The following FMN2 variants were observed in gnomAD, a reference collection of about 807,000 sequenced individuals.
FMN2 encodes the protein formin 2, also known as formin-2.
In FMN2, 51 loss-of-function variants were observed where a neutral mutation model predicts 142.3. The observed-to-expected ratio is 0.36, with a 90% CI of 0.29 to 0.45. FMN2 has a LOEUF of 0.45. FMN2 is among the 20% of genes least tolerant of loss of function. The pLI, the probability that FMN2 is intolerant of heterozygous loss-of-function variation, is 1.00. For synonymous variants in FMN2, 882 were observed against 869.8 expected, an observed-to-expected ratio of 1.01 and a Z score of -0.25; for missense variants, 1,936 against 2,122.8, an observed-to-expected ratio of 0.91 and a Z score of 1.73.
At chr1:240,441,263 G>A (rs1675607941) in intron 16 of FMN2, among the ~76,000 whole-genome samples, 1 of 152,128 alleles carries the variant, frequency 6.6e-6, no homozygotes, top group Non-Finnish European at 1.5e-5. Context: ...AATGTGCTGG[G>A]ATTACAGGCG....
intron 8 of FMN2, among the ~76,000 whole-genome samples, chr1:240,315,188 A>G (rs1670736714): frequency 6.6e-6 from 1 of 152,166 alleles, no homozygotes; most frequent in African/African-American, 2.4e-5. Context: ...TATATATAAG[A>G]CTTTCAGGTT....
chr1:240,333,578 C>T (rs1186335537), intron 11 of FMN2, among the ~76,000 whole-genome samples: 1 of 151,818 alleles, frequency 6.6e-6, no homozygotes, highest in Non-Finnish European at 1.5e-5. Flanking sequence ...ACAATAAAAA[C>T]ACAAAATAAT....
chr1:240,209,965 C>T (rs1666625569), intron 5 of FMN2, among the ~76,000 whole-genome samples: 1 of 152,076 alleles, frequency 6.6e-6, no homozygotes, highest in East Asian at 1.9e-4. Flanking sequence ...TTTACAGTCC[C>T]ATCTTGTGGG....
At chr1:240,178,538 C>A (rs1439869171) in intron 3 of FMN2, among the ~76,000 whole-genome samples, 1 of 151,232 alleles carries the variant, frequency 6.6e-6, no homozygotes, top group Non-Finnish European at 1.5e-5. Context: ...ACTTCCCTGG[C>A]TCAAGCGATT....
rs760627507 is a variant in FMN2 at position 240,334,166 on chromosome 1, G to T, written c.4702G>T (p.Ala1568Ser). Residue 1568 changes from alanine (A) to serine (S), a missense_variant, in exon 13 of 18, where the codon GCC (alanine) becomes TCC (serine). Around this residue, in one of 8 missense-constraint regions of FMN2, gnomAD observed 322 missense variants for 401.6 expected, o/e 0.80. Transcript: ENST00000319653. ...GCCAGAACCCCAGGACCTTTTTCAG[G>T]CCTCACAGATGAAGTTTGAAGATTT... ...PLPEPQDLFQASQMKFEDFQK... is the reference protein window; with the variant it reads ...PLPEPQDLFQSSQMKFEDFQK... The T allele has an allele frequency of 1.9e-6, 3 of 1,608,906 alleles. No individual in the cohort carries two copies. Among genetic ancestry groups the T allele is most frequent in the African/African-American group, 1.3e-5 (1 of 74,712 alleles).
chr1:240,465,965 T>G (rs2103238125), intron 16 of FMN2, among the ~76,000 whole-genome samples: 1 of 152,244 alleles, frequency 6.6e-6, no homozygotes, highest in South Asian at 2.1e-4. Context: ...TGCCTGACAA[T>G]AAATGGGTCT....
intron 4 of FMN2, among the ~76,000 whole-genome samples, chr1:240,191,312 C>T (rs1252156675): frequency 6.6e-6 from 1 of 152,236 alleles, no homozygotes; most frequent in Admixed American, 6.5e-5. Context: ...TAAAGCCTTT[C>T]CTCAACTCAC....
At chr1:240,289,515 A>T (rs1470315273) in intron 7 of FMN2, among the ~76,000 whole-genome samples, 3 of 152,076 alleles carry the variant, frequency 2.0e-5, no homozygotes, top group African/African-American at 4.8e-5. Flanking sequence ...CAAAAAAATT[A>T]AAAAAATAGA....
At chr1:240,170,768 T>C in intron 2 of FMN2, 1 of 1,254,572 alleles carries the variant, frequency 8.0e-7, no homozygotes, top group Non-Finnish European at 1.2e-6. Context: ...GTCTTTGGCC[T>C]GGGAGGAGTT....
intron 16 of FMN2, among the ~76,000 whole-genome samples, chr1:240,459,717 T>TTAAAAAAAAAAAAAAAAAAAAA (rs1471697427): frequency 1.5e-5 from 1 of 67,130 alleles, no homozygotes; most frequent in African/African-American, 5.1e-5. Flanking sequence ...ACTCTGTCTC[T>TTAAAAAAAAAAAAAAAAAAAAA]AAAAAAAAAA....
intron 2 of FMN2, among the ~76,000 whole-genome samples, chr1:240,134,500 C>T (rs945267725): frequency 3.3e-5 from 5 of 151,916 alleles, no homozygotes; most frequent in Admixed American, 1.3e-4. Context: ...TGGTGCACAC[C>T]TGTAGTCCCA....
chr1:240,239,580 G>A (rs12089289), intron 6 of FMN2, among the ~76,000 whole-genome samples: 1,954 of 152,298 alleles, frequency 0.013, 40 homozygotes, highest in African/African-American at 0.045. Context: ...AAGGAAGCTG[G>A]ACATGTCTTC....
At chr1:240,179,925 G>C (rs1665081942) in intron 3 of FMN2, among the ~76,000 whole-genome samples, 1 of 152,052 alleles carries the variant, frequency 6.6e-6, no homozygotes, top group African/African-American at 2.4e-5. Context: ...AAATTTTAGG[G>C]AACTTTATAA....
At chr1:240,431,405 T>TATATATAC (rs1558487478) in intron 15 of FMN2, among the ~76,000 whole-genome samples, 1 of 18,636 alleles carries the variant, frequency 5.4e-5, no homozygotes, top group African/African-American at 9.1e-5. Context: ...CCATGTTTTA[T>TATATATAC]ATATATATAT....
intron 1 of FMN2, among the ~76,000 whole-genome samples, chr1:240,102,053 C>T (rs777760433): frequency 1.4e-4 from 21 of 152,188 alleles, no homozygotes; most frequent in Middle Eastern, 3.4e-3. Context: ...TCTCTTACTT[C>T]AATATACTTT....
chr1:240,317,305 T>TAAAAAAAAAA (rs374121506), intron 8 of FMN2, among the ~76,000 whole-genome samples: 11,634 of 145,900 alleles, frequency 0.08, 528 homozygotes, highest in Admixed American at 0.12. Flanking sequence ...AGACTCCATC[T>TAAAAAAAAAA]AAAAAGAAAA....
chr1:240,359,696 T>G (rs931066304), intron 14 of FMN2, among the ~76,000 whole-genome samples: 3 of 152,226 alleles, frequency 2.0e-5, no homozygotes, highest in African/African-American at 7.2e-5. Context: ...TTTAGAGAAT[T>G]TAGCCCTACT....
chr1:240,354,431 G>C (rs1303941499), intron 13 of FMN2, among the ~76,000 whole-genome samples: 1 of 152,198 alleles, frequency 6.6e-6, no homozygotes, highest in Non-Finnish European at 1.5e-5. Context: ...GGCAGGTTTA[G>C]AGAAGTCTGT....
chr1:240,210,270 A>T (rs1327843189), intron 5 of FMN2, among the ~76,000 whole-genome samples: 2 of 152,138 alleles, frequency 1.3e-5, no homozygotes, highest in African/African-American at 4.8e-5. Context: ...TGTAAACCTC[A>T]CTGGGGCTTC....
Sources: gnomAD v4.1 joint callset for allele counts (sites outside exome capture counted in the v4.1 genomes callset) on GRCh38, gnomAD v4.1.1 for gene constraint, gnomAD v4.1.1 regional missense constraint, MANE v1.5 for transcripts, NCBI Gene and HGNC (gene_info 2026-07-23, HGNC 2026-07-21) for gene names.